The following CSMD1 variants were observed in gnomAD, a reference collection of about 807,000 sequenced individuals.
CSMD1 encodes CUB and sushi domain-containing protein 1.
Under a neutral mutation model 417.5 loss-of-function variants are expected in CSMD1, and 213 were observed. That is an observed-to-expected ratio of 0.51 (90% CI 0.46 to 0.57). CSMD1 has a LOEUF of 0.57. CSMD1 is among the 20% of genes least tolerant of loss of function. The pLI is 0.00. For synonymous variants in CSMD1, 2,862 were observed against 1,736.8 expected, an observed-to-expected ratio of 1.65 and a Z score of -16.11; for missense variants, 6,923 against 4,529.7, an observed-to-expected ratio of 1.53 and a Z score of -15.17.
intron 23 of CSMD1, among the ~76,000 whole-genome samples, chr8:3,316,326 A>T (rs74644242): frequency 0.083 from 12,591 of 152,288 alleles, 667 homozygotes; most frequent in Non-Finnish European, 0.12. Context: ...GAGCTGTAAA[A>T]AAAATGTTTT....
chr8:3,644,379 G>A (rs1273907603), intron 7 of CSMD1, among the ~76,000 whole-genome samples: 1 of 152,190 alleles, frequency 6.6e-6, no homozygotes, highest in Admixed American at 6.5e-5. Context: ...AGGTGCGAGT[G>A]AGACCCTGGA....
chr8:4,521,728 T>A (rs1347632840), intron 2 of CSMD1, among the ~76,000 whole-genome samples: 1 of 152,124 alleles, frequency 6.6e-6, no homozygotes, highest in East Asian at 1.9e-4. Context: ...TCAATAGACA[T>A]AGCTCATAAG....
chr8:3,338,067 T>G (rs1807390210), intron 23 of CSMD1, among the ~76,000 whole-genome samples: 1 of 152,202 alleles, frequency 6.6e-6, no homozygotes, highest in Non-Finnish European at 1.5e-5. Flanking sequence ...CAAGCAGGCG[T>G]TGTGGGATTG....
intron 7 of CSMD1, among the ~76,000 whole-genome samples, chr8:3,690,490 A>G (rs184609930): frequency 1.4e-3 from 213 of 152,332 alleles, no homozygotes; most frequent in African/African-American, 5.0e-3. Flanking sequence ...GGGCAATACA[A>G]TGTCTGTACT....
At chr8:3,710,329 C>G (rs1801436671) in intron 6 of CSMD1, among the ~76,000 whole-genome samples, 1 of 152,072 alleles carries the variant, frequency 6.6e-6, no homozygotes, top group Non-Finnish European at 1.5e-5. Flanking sequence ...CACACATACC[C>G]ACGACCAACT....
intron 3 of CSMD1, among the ~76,000 whole-genome samples, chr8:4,091,073 A>G (rs1316976058): frequency 6.6e-6 from 1 of 151,804 alleles, no homozygotes; most frequent in African/African-American, 2.4e-5. Flanking sequence ...CACCCACCAC[A>G]ATGCCCAGCT....
At chr8:4,789,683 G>T (rs761099394) in intron 1 of CSMD1, among the ~76,000 whole-genome samples, 1 of 152,130 alleles carries the variant, frequency 6.6e-6, no homozygotes, top group Non-Finnish European at 1.5e-5. Context: ...GCATGTTCCA[G>T]AATGTACTTA....
intron 26 of CSMD1, among the ~76,000 whole-genome samples, chr8:3,245,499 A>G (rs951839034): frequency 5.3e-5 from 8 of 152,314 alleles, no homozygotes; most frequent in African/African-American, 1.9e-4. Context: ...AAAGCTAAAT[A>G]AGCCTCCTGT....
Position 3,095,568 on chromosome 8 carries a change from T to C in CSMD1, c.7138+1281A>G, listed in dbSNP as rs192184398. ...CATTTTTGAAAATACATTAATTGATTCAGTGATGTCTATCCATACAAGCAA... is the reference window on the plus strand; with the variant it reads ...CATTTTTGAAAATACATTAATTGATCCAGTGATGTCTATCCATACAAGCAA... On this transcript the variant is annotated intron_variant, in intron 47 of 69. Transcript: ENST00000635120. Among the ~76,000 whole-genome samples, 386 of 152,328 alleles carry C rather than the reference T, an allele frequency of 2.5e-3. 1 individual carries two copies. The highest frequency in any genetic ancestry group is 4.4e-3 in the Non-Finnish European group (298 of 68,008).
At chr8:3,925,676 A>C (rs1225884216) in intron 5 of CSMD1, among the ~76,000 whole-genome samples, 1 of 151,138 alleles carries the variant, frequency 6.6e-6, no homozygotes, top group Non-Finnish European at 1.5e-5. Context: ...CCTCCTCCTC[A>C]TTTTTCTCTT....
rs553434750 is a variant in CSMD1, at chr8:4,018,044, G to T, written c.610+13861C>A. Reference sequence around the variant, plus strand: ...TCGTAACTGTCATACCCATGAAACTGTCACTAGTGTGGGTATGTATGCTTG... The same window carrying T: ...TCGTAACTGTCATACCCATGAAACTTTCACTAGTGTGGGTATGTATGCTTG... On this transcript the variant is annotated intron_variant, in intron 4 of 69. Coordinates refer to ENST00000635120, the MANE Select transcript of CSMD1 (RefSeq NM_033225.6). 2.0e-5 allele frequency among the ~76,000 whole-genome samples: 3 copies of T among 150,778 alleles called. No individual in the cohort carries two copies. In the South Asian group the frequency reaches 6.3e-4, roughly 32 times the overall value.
intron 5 of CSMD1, among the ~76,000 whole-genome samples, chr8:3,956,475 G>C (rs1343391214): frequency 6.6e-6 from 1 of 152,068 alleles, no homozygotes; most frequent in African/African-American, 2.4e-5. Flanking sequence ...AATCATCCAC[G>C]TACATTCCTA....
intron 3 of CSMD1, among the ~76,000 whole-genome samples, chr8:4,412,520 T>C (rs965106417): frequency 6.6e-6 from 1 of 152,120 alleles, no homozygotes; most frequent in Non-Finnish European, 1.5e-5. Flanking sequence ...ATTACACCTA[T>C]TTTATCGGAA....
At chr8:4,441,474 A>C (rs540842613) in intron 2 of CSMD1, among the ~76,000 whole-genome samples, 19 of 151,930 alleles carry the variant, frequency 1.3e-4, no homozygotes, top group Non-Finnish European at 2.5e-4. Context: ...TTTTATTAGG[A>C]GTTAGACATA....
At chr8:4,962,694 G>C (rs1475165028) in intron 1 of CSMD1, among the ~76,000 whole-genome samples, 2 of 152,154 alleles carry the variant, frequency 1.3e-5, no homozygotes, top group South Asian at 2.1e-4. Context: ...GTGGGTGGAA[G>C]GGATGTGCAA....
intron 5 of CSMD1, among the ~76,000 whole-genome samples, chr8:3,994,566 T>A (rs753817197): frequency 1.3e-5 from 2 of 151,904 alleles, no homozygotes; most frequent in Non-Finnish European, 2.9e-5. Context: ...GGCAACTCTC[T>A]GTTAAAGCAA....
intron 47 of CSMD1, among the ~76,000 whole-genome samples, chr8:3,095,897 T>A (rs1054301077): frequency 3.3e-5 from 5 of 152,168 alleles, no homozygotes; most frequent in African/African-American, 1.2e-4. Flanking sequence ...ATCATAAGAC[T>A]ATTGTTGAAA....
intron 49 of CSMD1, among the ~76,000 whole-genome samples, chr8:3,084,899 T>G (rs1256811583): frequency 6.6e-6 from 1 of 150,578 alleles, no homozygotes; most frequent in Non-Finnish European, 1.5e-5. Context: ...TGCTACATTT[T>G]GTTTTGTTTT....
At chr8:3,346,490 A>G (rs369464867) in intron 22 of CSMD1, among the ~76,000 whole-genome samples, 3 of 152,196 alleles carry the variant, frequency 2.0e-5, no homozygotes, top group Non-Finnish European at 4.4e-5. Context: ...CCACTTCTTC[A>G]TGACAGTCCC....
Sources: gnomAD v4.1 joint callset for allele counts (sites outside exome capture counted in the v4.1 genomes callset) on GRCh38, gnomAD v4.1.1 for gene constraint, MANE v1.5 for transcripts, NCBI Gene and HGNC (gene_info 2026-07-23, HGNC 2026-07-21) for gene names.